The following PLCE1 variants were observed in gnomAD, a reference collection of about 807,000 sequenced individuals.
The protein encoded by PLCE1 is phospholipase C epsilon 1.
PLCE1 carries 119 observed loss-of-function variants against 242.8 expected under a neutral mutation model. That is an observed-to-expected ratio of 0.49 (90% CI 0.42 to 0.57). The LOEUF (loss-of-function observed/expected upper bound fraction) is 0.57, where lower values mean the gene tolerates loss of function less well. PLCE1 is among the 20% of genes least tolerant of loss of function. The pLI is 0.00. For synonymous variants in PLCE1, 945 were observed against 1,017.4 expected, an observed-to-expected ratio of 0.93 and a Z score of 1.35; for missense variants, 2,441 against 2,788.8, an observed-to-expected ratio of 0.88 and a Z score of 2.81.
Position 94,019,586 on chromosome 10 carries a change from A to T in PLCE1, c.-364-11097A>T, listed in dbSNP as rs537111908. On this transcript the variant is annotated intron_variant, in intron 1 of 32. Transcript: ENST00000371380. ...ATGCGATGATGGAAATGTTCTCTATATCTCCGCTGTCCAATATGTTTGCCA... is the reference window on the plus strand; with the variant it reads ...ATGCGATGATGGAAATGTTCTCTATTTCTCCGCTGTCCAATATGTTTGCCA... 3.3e-5 allele frequency among the ~76,000 whole-genome samples: 5 copies of T among 152,282 alleles called. No homozygotes were observed. The South Asian group carries it at 1.0e-3, about 32-fold the overall frequency.
intron 3 of PLCE1, among the ~76,000 whole-genome samples, chr10:94,168,910 C>A (rs1225584897): frequency 6.6e-6 from 1 of 152,134 alleles, no homozygotes; most frequent in African/African-American, 2.4e-5. Flanking sequence ...CATTCTGATT[C>A]AATTTTCAGG....
At chr10:94,034,106 C>T (rs1291352884) in intron 2 of PLCE1, among the ~76,000 whole-genome samples, 1 of 152,076 alleles carries the variant, frequency 6.6e-6, no homozygotes, top group Non-Finnish European at 1.5e-5. Context: ...AAATCATGTG[C>T]AGGGGAACAC....
chr10:94,113,106 G>A (rs1220549764), intron 2 of PLCE1, among the ~76,000 whole-genome samples: 1 of 152,144 alleles, frequency 6.6e-6, no homozygotes, highest in African/African-American at 2.4e-5. Context: ...GGCTAGTGAG[G>A]ATGGGAAAGT....
intron 4 of PLCE1, among the ~76,000 whole-genome samples, chr10:94,218,939 T>C (rs1366530651): frequency 6.8e-6 from 1 of 147,264 alleles, no homozygotes; most frequent in East Asian, 2.0e-4. Flanking sequence ...ATTATAATTA[T>C]ATTATTATAT....
Position 94,293,591 on chromosome 10 carries a change from A to G in PLCE1, c.5119A>G (p.Arg1707Gly), listed in dbSNP as rs754613559. 3.1e-6 allele frequency: 5 copies of G among 1,614,074 alleles called. No individual in the cohort carries two copies. The East Asian group carries it at 8.9e-5, about 29-fold the overall frequency. Residue 1707 changes from arginine (R) to glycine (G), a missense_variant, in exon 23 of 33, where the codon AGA (arginine) becomes GGA (glycine). By Grantham distance (125) the Arg-to-Gly change is moderately radical (BLOSUM62 -2). Around this residue, in one of 5 missense-constraint regions of PLCE1, gnomAD observed 1,004 missense variants for 1,322.7 expected, o/e 0.76. Coordinates refer to ENST00000371380, the MANE Select transcript of PLCE1 (RefSeq NM_016341.4). ...RKSIFGNNPG[R>G]MSPGETASFN... ...GTCCATTTTTGGCAACAATCCGGGC[A>G]GAATGAGCCCAGGGGAGACAGCATC...
chr10:94,233,825 A>G (rs1396148155), intron 5 of PLCE1, among the ~76,000 whole-genome samples: 2 of 151,924 alleles, frequency 1.3e-5, no homozygotes, highest in East Asian at 1.9e-4. Flanking sequence ...GCGCGCGCCT[A>G]TAATCCCAGC....
At chr10:94,296,341 G>T (rs1212045192) in intron 23 of PLCE1, among the ~76,000 whole-genome samples, 1 of 150,012 alleles carries the variant, frequency 6.7e-6, no homozygotes, top group African/African-American at 2.5e-5. Flanking sequence ...ACTCCAACTT[G>T]GGCGACAGAG....
chr10:94,004,712 C>T (rs1196404788), intron 1 of PLCE1, among the ~76,000 whole-genome samples: 1 of 152,170 alleles, frequency 6.6e-6, no homozygotes, highest in East Asian at 1.9e-4. Flanking sequence ...CTCATCCATT[C>T]ATCACTGATC....
chr10:94,179,569 G>C, intron 4 of PLCE1, among the ~76,000 whole-genome samples: 1 of 131,028 alleles, frequency 7.6e-6, no homozygotes. Context: ...TACAGTGGCT[G>C]ATCTTTGCTC....
intron 2 of PLCE1, among the ~76,000 whole-genome samples, chr10:94,093,831 TA>T (rs1445934245): frequency 4.0e-5 from 6 of 151,126 alleles, no homozygotes; most frequent in Non-Finnish European, 2.9e-5. Flanking sequence ...TTGTGCTGGG[TA>T]AGACAGAGAG....
At chr10:94,044,424 T>C (rs776171045) in intron 2 of PLCE1, among the ~76,000 whole-genome samples, 67 of 152,214 alleles carry the variant, frequency 4.4e-4, no homozygotes, top group Admixed American at 9.8e-4. Context: ...AAGGACAGGA[T>C]TGGTTTTATT....
intron 2 of PLCE1, among the ~76,000 whole-genome samples, chr10:94,050,995 G>C (rs1025083611): frequency 2.0e-5 from 3 of 152,088 alleles, no homozygotes; most frequent in Non-Finnish European, 4.4e-5. Flanking sequence ...TATGGGATGG[G>C]ATACTTGTAA....
intron 2 of PLCE1, among the ~76,000 whole-genome samples, chr10:94,080,688 C>G (rs142532012): frequency 1.3e-5 from 2 of 152,302 alleles, no homozygotes; most frequent in South Asian, 2.1e-4. Context: ...CCATTGTAGG[C>G]CCAGCCTGCA....
At chr10:94,182,744 C>T (rs987222047) in intron 4 of PLCE1, among the ~76,000 whole-genome samples, 5 of 151,890 alleles carry the variant, frequency 3.3e-5, no homozygotes, top group Non-Finnish European at 7.4e-5. Context: ...ATTCTTAGTT[C>T]TCCTTCTTAA....
At chr10:94,044,728 G>C (rs569250055) in intron 2 of PLCE1, among the ~76,000 whole-genome samples, 11 of 152,244 alleles carry the variant, frequency 7.2e-5, no homozygotes, top group African/African-American at 2.6e-4. Flanking sequence ...CTTCTACAGG[G>C]CACAACCTGC....
At chr10:94,235,238 G>A (rs1392357020) in intron 6 of PLCE1, among the ~76,000 whole-genome samples, 3 of 152,032 alleles carry the variant, frequency 2.0e-5, no homozygotes, top group South Asian at 2.1e-4. Context: ...CAACACCACC[G>A]GCATCTCTCT....
rs947700587 is a variant in PLCE1, at chr10:94,233,798, A to C, written c.1956-256A>C. 4.6e-5 allele frequency among the ~76,000 whole-genome samples: 7 copies of C among 152,044 alleles called. No homozygotes were observed. The South Asian group carries it at 6.2e-4, about 14-fold the overall frequency. On this transcript the variant is annotated intron_variant, in intron 5 of 32. Transcript: ENST00000371380. ...CCCCGTCTCTACTAAAAATATAAAA[A>C]TTAGCCAGGCATAGTGGCGCGCGCC... is the stretch of plus-strand genomic sequence containing the variant.
At chr10:94,220,504 T>C (rs546974241) in intron 4 of PLCE1, among the ~76,000 whole-genome samples, 111 of 149,522 alleles carry the variant, frequency 7.4e-4, no homozygotes, top group African/African-American at 2.5e-3. Context: ...ACATTTGAGT[T>C]ATCCTTCTCT....
At chr10:94,141,419 T>C (rs2046949629) in intron 3 of PLCE1, among the ~76,000 whole-genome samples, 1 of 151,952 alleles carries the variant, frequency 6.6e-6, no homozygotes, top group African/African-American at 2.4e-5. Context: ...AATTATGGCC[T>C]AATTCTCCAT....
Sources: allele counts gnomAD v4.1 joint callset (sites outside exome capture counted in the v4.1 genomes callset), GRCh38; gene constraint gnomAD v4.1.1; regional missense constraint gnomAD v4.1.1; transcripts MANE v1.5; gene names NCBI Gene and HGNC (gene_info 2026-07-23, HGNC 2026-07-21).